LHX6: variants seen among roughly 807,000 people sequenced by gnomAD.
LHX6 encodes the protein LIM homeobox 6.
In LHX6, 15 loss-of-function variants were observed where a neutral mutation model predicts 47.1. The ratio of observed to expected loss-of-function variants is 0.32; its 90% CI spans 0.21 to 0.49. LHX6 has a LOEUF of 0.49. Among genes scored for constraint, LHX6 ranks in the 20% least tolerant of loss-of-function variants. LHX6 has a pLI of 0.99. For synonymous variants in LHX6, 242 were observed against 233.5 expected (o/e 1.04, Z -0.33); for missense variants, 404 against 539.6 (o/e 0.75, Z 2.49).
chr9:122,214,427 T>C lies in LHX6; in HGVS notation c.683-44A>G. ...GCTGACCACGCGTCCCCATCTCTTCTAGTGGCAGCCTGGAAAGGACGGGGG... is the reference window on the plus strand; with the variant it reads ...GCTGACCACGCGTCCCCATCTCTTCCAGTGGCAGCCTGGAAAGGACGGGGG... On this transcript the variant is annotated intron_variant, in intron 5 of 9. Transcript: ENST00000394319. This position sits in a 1 kb window ranked among gnomAD's most constrained non-coding sequence, Gnocchi z 4.6. The C allele has an allele frequency of 1.3e-6, 2 of 1,497,322 alleles. No homozygotes were observed. Among genetic ancestry groups the C allele is most frequent in the Non-Finnish European group, 1.8e-6 (2 of 1,128,306 alleles). The allele number at this position is 1,497,322 out of a possible 1,614,324, so 92.8% of individuals were successfully genotyped here.
rs528705083 is a variant in LHX6 at position 122,218,591 on chromosome 9, G to A, written c.462-1303C>T. Among the ~76,000 whole-genome samples the A allele has an allele frequency of 1.3e-3, 192 of 152,254 alleles. 2 individuals carry two copies. Among genetic ancestry groups the A allele is most frequent in the Non-Finnish European group, 2.6e-3 (174 of 68,022 alleles). On this transcript the variant is annotated intron_variant, in intron 4 of 9. Coordinates refer to ENST00000394319, the MANE Select transcript of LHX6 (RefSeq NM_014368.5). The stretch of plus-strand genomic sequence containing the variant: ...CTGCCAACCCATCCTCCACAGAGCA[G>A]TCAAAGCAAAGTTTCCAGCATGCAC...
At position 122,226,062 on chromosome 9, in the gene LHX6, G is replaced by T. The variant is rs1416999495; in HGVS notation, c.461+314C>A. 6.6e-6 allele frequency among the ~76,000 whole-genome samples: 1 copy of T among 152,176 alleles called. No individual in the cohort carries two copies. Among genetic ancestry groups the T allele is most frequent in the Non-Finnish European group, 1.5e-5 (1 of 68,036 alleles). On this transcript the variant is annotated intron_variant, in intron 4 of 9. Transcript: ENST00000394319. The surrounding 1 kb of genome is among the most constrained non-coding windows in gnomAD (Gnocchi z 6.5). Reference sequence around the variant, plus strand: ...GAAATGGGGACCTCAGAGCTCCACCGAGGCGCTCGAGGTCAGAACTGAAGC... The same window carrying T: ...GAAATGGGGACCTCAGAGCTCCACCTAGGCGCTCGAGGTCAGAACTGAAGC...
chr9:122,222,551 G>A (rs113384686), intron 4 of LHX6, among the ~76,000 whole-genome samples: 1,884 of 152,274 alleles, frequency 0.012, 48 homozygotes, highest in African/African-American at 0.041. Context: ...CCAAGGACAC[G>A]CAGCCAATGA....
intron 1 of LHX6, chr9:122,227,966 C>A: frequency 5.5e-6 from 1 of 182,276 alleles, no homozygotes; most frequent in East Asian, 1.5e-4. Context: ...GCCCCCCCAC[C>A]CCACTCCCCT....
At chr9:122,209,449 C>T (rs111832571) in intron 9 of LHX6, among the ~76,000 whole-genome samples, 165 bp downstream of exon 9, 13 of 152,328 alleles carry the variant, frequency 8.5e-5, no homozygotes, top group Non-Finnish European at 1.5e-4. Flanking sequence ...TAGCAACCAC[C>T]GCTCCAGTGA....
At chr9:122,225,211 C>T (rs1831042943) in intron 4 of LHX6, among the ~76,000 whole-genome samples, 1 of 152,182 alleles carries the variant, frequency 6.6e-6, no homozygotes, top group Admixed American at 6.5e-5. Context: ...TCTTCCTGTG[C>T]AAGGATAGGA....
Position 122,214,253 on chromosome 9 carries a change from G to A in LHX6, c.783+30C>T, listed in dbSNP as rs747127389. ...CCCGCCCACTTTCGGCCCGGCCCCC[G>A]CCCCCGCCGCCCACTGCTTGCAGCG... On this transcript the variant is annotated intron_variant, in intron 6 of 9. Transcript: ENST00000394319. The surrounding 1 kb of genome is among the most constrained non-coding windows in gnomAD (Gnocchi z 4.6). 7.6e-6 allele frequency: 10 copies of A among 1,309,466 alleles called. No homozygotes were observed. The highest frequency in any genetic ancestry group is 2.2e-5 in the Admixed American group (1 of 44,970). 81.1% of individuals were successfully genotyped at this position (1,309,466 alleles called of 1,614,324 possible).
At chr9:122,205,970 T>C (rs1287431569) in intron 9 of LHX6, among the ~76,000 whole-genome samples, 1 of 152,052 alleles carries the variant, frequency 6.6e-6, no homozygotes, top group Non-Finnish European at 1.5e-5. Context: ...TGCTCCACTT[T>C]GGCCTCCAGA....
chr9:122,228,098 G>C lies in LHX6; in HGVS notation c.84+559C>G, dbSNP rs970319672. ...TGAAGAAAAGAAAACCCCGAGCGCG[G>C]TGAGCACCCGCCCGCCCGCCCGCCT... On this transcript the variant is annotated intron_variant, in intron 1 of 9. Coordinates refer to ENST00000394319, the MANE Select transcript of LHX6 (RefSeq NM_014368.5). 8.2e-6 allele frequency: 5 copies of C among 609,994 alleles called. No individual in the cohort carries two copies. The African/African-American group carries it at 9.4e-5, about 11-fold the overall frequency. 37.8% of individuals were successfully genotyped at this position (609,994 alleles called of 1,614,324 possible).
chr9:122,226,774 G>T lies in LHX6; in HGVS notation c.339+74C>A, dbSNP rs1408802656. On this transcript the variant is annotated intron_variant, in intron 3 of 9. Transcript: ENST00000394319. The surrounding 1 kb of genome is among the most constrained non-coding windows in gnomAD (Gnocchi z 6.5). ...AGGATTTGGAAGTAAGAGGACCTGC[G>T]GTGCTTCCCTGCAGTCTCCTGCGCT... 11 of 1,458,328 alleles carry T rather than the reference G, an allele frequency of 7.5e-6. No homozygotes were observed. Among genetic ancestry groups the T allele is most frequent in the East Asian group, 2.5e-5 (1 of 40,054 alleles). 90.3% of individuals were successfully genotyped at this position (1,458,328 alleles called of 1,614,324 possible).
chr9:122,227,697 C>G, intron 1 of LHX6: 2 of 972,676 alleles, frequency 2.1e-6, no homozygotes, highest in Non-Finnish European at 2.8e-6. Context: ...CTCTCCCCCT[C>G]TCCCTGCACT....
chr9:122,225,429 C>T (rs1452792091), intron 4 of LHX6, among the ~76,000 whole-genome samples: 2 of 152,254 alleles, frequency 1.3e-5, no homozygotes, highest in African/African-American at 4.8e-5. Flanking sequence ...ACCTCGACCC[C>T]ATAATCAGGT....
intron 2 of LHX6, 104 bp downstream of exon 2, chr9:122,227,305 C>A (rs1378283070): frequency 2.5e-6 from 3 of 1,192,772 alleles, no homozygotes; most frequent in South Asian, 1.7e-5. Context: ...CGCCGGGAGT[C>A]CCCCAGAGCG....
chr9:122,227,345 G>A (rs1335431934), intron 2 of LHX6, 64 bp downstream of exon 2: 5 of 1,402,622 alleles, frequency 3.6e-6, no homozygotes, highest in Non-Finnish European at 4.7e-6. Flanking sequence ...GGAAAACCTG[G>A]CCAGGTCCCC....
chr9:122,215,231 G>A (rs2118859969), intron 5 of LHX6, among the ~76,000 whole-genome samples: 1 of 152,136 alleles, frequency 6.6e-6, no homozygotes, highest in East Asian at 1.9e-4. Context: ...TTATGTTGAA[G>A]GAAAAAAGCA....
rs1394735188 is a variant in LHX6 at position 122,221,377 on chromosome 9, G to A, written c.462-4089C>T. The A allele has an allele frequency of 3.0e-6, 3 of 985,692 alleles. No individual in the cohort carries two copies. In the East Asian group the frequency reaches 3.4e-4, roughly 112 times the overall value. 61.1% of individuals were successfully genotyped at this position (985,692 alleles called of 1,614,324 possible). ...CGCTGGGCCGCTCTCTGCCGCGGTGGGGGGCCGCTTCCCGCTCTGCGCTTC... is the reference window on the plus strand; with the variant it reads ...CGCTGGGCCGCTCTCTGCCGCGGTGAGGGGCCGCTTCCCGCTCTGCGCTTC... On this transcript the variant is annotated intron_variant, in intron 4 of 9. Coordinates refer to ENST00000394319, the MANE Select transcript of LHX6 (RefSeq NM_014368.5).
chr9:122,210,077 T>G (rs1830344985), intron 8 of LHX6, among the ~76,000 whole-genome samples: 1 of 152,090 alleles, frequency 6.6e-6, no homozygotes, highest in African/African-American at 2.4e-5. Context: ...GGTTTCACCG[T>G]GTTAGCCAGG....
chr9:122,209,625 G>A lies in LHX6; in HGVS notation c.1147C>T (p.Arg383Trp), dbSNP rs767286367. The change falls in exon 9 of 10, where the codon CGG becomes TGG. Residue 383 changes from arginine (R) to tryptophan (W), a missense_variant. This residue lies in a region of LHX6 where 127 missense variants were observed against 116.1 expected (regional missense o/e 1.09). Transcript: ENST00000394319. ...KADMDGPLSN[R>W]GEKVILFQY ...CTGGCTCCATTTACCTTCTCACCCCGGTTGGAGAGCGGCCCATCCATATCG... is the reference window on the plus strand; with the variant it reads ...CTGGCTCCATTTACCTTCTCACCCCAGTTGGAGAGCGGCCCATCCATATCG... 18 of 1,607,786 alleles carry A rather than the reference G, an allele frequency of 1.1e-5. No individual in the cohort carries two copies. The highest frequency in any genetic ancestry group is 4.5e-5 in the East Asian group (2 of 44,846).
intron 8 of LHX6, among the ~76,000 whole-genome samples, chr9:122,210,647 T>A (rs1830364400): frequency 6.6e-6 from 1 of 152,164 alleles, no homozygotes; most frequent in African/African-American, 2.4e-5. Flanking sequence ...GTACAACCTC[T>A]GCCTCCTGGG....
Sources: allele counts gnomAD v4.1 joint callset (sites outside exome capture counted in the v4.1 genomes callset), GRCh38; gene constraint gnomAD v4.1.1; regional missense constraint gnomAD v4.1.1; non-coding constraint Gnocchi (gnomAD v3.1); transcripts MANE v1.5; gene names NCBI Gene and HGNC (gene_info 2026-07-23, HGNC 2026-07-21).